The following PTPRO variants were observed in gnomAD, a reference collection of about 807,000 sequenced individuals.
The protein encoded by PTPRO is protein tyrosine phosphatase receptor type O, also known as receptor-type tyrosine-protein phosphatase O.
Under a neutral mutation model 145.2 loss-of-function variants are expected in PTPRO, and 62 were observed. The ratio of observed to expected loss-of-function variants is 0.43; its 90% CI spans 0.35 to 0.53. The LOEUF (loss-of-function observed/expected upper bound fraction) is 0.53. PTPRO is among the 20% of genes least tolerant of loss of function. The probability of loss-of-function intolerance (pLI) is 0.01; values close to 1 mark genes in which losing one functional copy is unlikely to be tolerated. For missense variants in PTPRO, 1,345 were observed against 1,482.7 expected (o/e 0.91, Z 1.53); for synonymous variants, 565 against 514.7 (o/e 1.10, Z -1.32).
At chr12:15,353,197 C>T (rs754884998) in intron 1 of PTPRO, among the ~76,000 whole-genome samples, 4 of 152,150 alleles carry the variant, frequency 2.6e-5, no homozygotes, top group Non-Finnish European at 5.9e-5. Context: ...CACATACACC[C>T]ACCTACCCAC....
intron 10 of PTPRO, 84 bp from the exon 11 acceptor site, chr12:15,524,728 ACT>A: frequency 7.0e-7 from 1 of 1,420,654 alleles, no homozygotes; most frequent in South Asian, 1.2e-5. Context: ...CGCTAAGTTG[ACT>A]CTATATGGGA....
At chr12:15,436,311 A>C (rs915447337) in intron 1 of PTPRO, among the ~76,000 whole-genome samples, 2 of 152,028 alleles carry the variant, frequency 1.3e-5, no homozygotes, top group African/African-American at 4.8e-5. Context: ...ACACAGAAAA[A>C]CCTCCAAAAA....
Position 15,536,278 on chromosome 12 carries a change from G to T in PTPRO, c.2164+10016G>T, listed in dbSNP as rs186122391. 2.0e-5 allele frequency among the ~76,000 whole-genome samples: 3 copies of T among 152,284 alleles called. No individual in the cohort carries two copies. The East Asian group carries it at 5.8e-4, about 29-fold the overall frequency. ...GGAAAAGAGGATAGGAAGTGCTGTGGGGGATGGGTGCAATTTTTGTGAGGA... is the reference window on the plus strand; with the variant it reads ...GGAAAAGAGGATAGGAAGTGCTGTGTGGGATGGGTGCAATTTTTGTGAGGA... On this transcript the variant is annotated intron_variant, in intron 12 of 26. Transcript: ENST00000281171.
At chr12:15,395,155 T>C (rs1939300586) in intron 1 of PTPRO, among the ~76,000 whole-genome samples, 1 of 152,174 alleles carries the variant, frequency 6.6e-6, no homozygotes. Flanking sequence ...CAAATAGTTG[T>C]GGAAAACAGG....
chr12:15,582,380 C>T (rs1206197027), intron 23 of PTPRO, among the ~76,000 whole-genome samples: 4 of 152,236 alleles, frequency 2.6e-5, no homozygotes. Flanking sequence ...GGAGACCAAC[C>T]CAATGAGCAC....
chr12:15,514,022 C>T (rs541190125), intron 7 of PTPRO, among the ~76,000 whole-genome samples: 2 of 152,188 alleles, frequency 1.3e-5, no homozygotes, highest in South Asian at 4.1e-4. Context: ...AAGGTCAAAG[C>T]AGCACCTTAA....
At chr12:15,585,320 CT>C (rs1382382691) in intron 23 of PTPRO, among the ~76,000 whole-genome samples, 1 of 152,150 alleles carries the variant, frequency 6.6e-6, no homozygotes, top group Non-Finnish European at 1.5e-5. Flanking sequence ...GTAAATTATT[CT>C]GCACAATTCT....
At chr12:15,398,433 C>T (rs1432163295) in intron 1 of PTPRO, among the ~76,000 whole-genome samples, 1 of 151,758 alleles carries the variant, frequency 6.6e-6, no homozygotes, top group African/African-American at 2.4e-5. Context: ...CAGACGTGTT[C>T]CAATTCCAGG....
intron 1 of PTPRO, among the ~76,000 whole-genome samples, chr12:15,376,341 C>T (rs1042764530): frequency 3.3e-5 from 5 of 152,062 alleles, no homozygotes; most frequent in African/African-American, 1.2e-4. Context: ...ACCAAGAATT[C>T]TATATTCAGC....
chr12:15,539,634 T>C lies in PTPRO; in HGVS notation c.2165-6935T>C, dbSNP rs150909724. Among the ~76,000 whole-genome samples, 6 of 151,668 alleles carry C rather than the reference T, an allele frequency of 4.0e-5. No homozygotes were observed. In the East Asian group the frequency reaches 1.2e-3, roughly 29 times the overall value. ...AAAATTAGCTGGGTGTAGTCGTAGG[T>C]ACCTGTAATTCCAGCTGCTCAGGAG... On this transcript the variant is annotated intron_variant, in intron 12 of 26. Coordinates refer to ENST00000281171, the MANE Select transcript of PTPRO (RefSeq NM_030667.3).
intron 2 of PTPRO, among the ~76,000 whole-genome samples, chr12:15,495,540 A>G (rs1244419503): frequency 6.6e-6 from 1 of 151,952 alleles, no homozygotes. Context: ...CTCAATTCTA[A>G]AAGTGTGAAT....
At chr12:15,538,529 A>G (rs886540328) in intron 12 of PTPRO, among the ~76,000 whole-genome samples, 1 of 152,146 alleles carries the variant, frequency 6.6e-6, no homozygotes, top group African/African-American at 2.4e-5. Context: ...GGCCCACTTT[A>G]GCACTTCTCT....
At chr12:15,546,298 T>C (rs932919871) in intron 12 of PTPRO, 4 of 1,241,510 alleles carry the variant, frequency 3.2e-6, no homozygotes, top group Middle Eastern at 3.3e-4. Flanking sequence ...AAACTATTAA[T>C]AGATTATGAC....
intron 12 of PTPRO, 128 bp downstream of exon 12, chr12:15,526,390 G>A: frequency 7.8e-7 from 1 of 1,276,222 alleles, no homozygotes; most frequent in Non-Finnish European, 1.1e-6. Context: ...GTAGAAAATA[G>A]ACATTTGTAC....
chr12:15,551,654 G>A lies in PTPRO; in HGVS notation c.2541G>A (p.Lys847=). Residue 847 remains lysine, a synonymous_variant, in exon 15 of 27, where the codon AAG becomes AAA. Transcript: ENST00000281171. ...LLVTLIILRK[K]HLQMARECGA... is the part of the protein sequence containing the mutation. ...TTACCCTCATTATTCTTAGGAAAAAGCATCTGCAGATGGCTAGGTAAGTTA... is the reference window on the plus strand; with the variant it reads ...TTACCCTCATTATTCTTAGGAAAAAACATCTGCAGATGGCTAGGTAAGTTA... The A allele has an allele frequency of 2.5e-6, 4 of 1,613,500 alleles. No homozygotes were observed. The highest frequency in any genetic ancestry group is 2.2e-5 in the East Asian group (1 of 44,826).
chr12:15,550,165 A>G (rs1401703486), intron 14 of PTPRO, among the ~76,000 whole-genome samples: 2 of 152,220 alleles, frequency 1.3e-5, no homozygotes, highest in Non-Finnish European at 2.9e-5. Context: ...AGTCTTACCA[A>G]TGATATAGAC....
rs1387035397 is a variant in PTPRO at position 15,394,767 on chromosome 12, G to A, written c.75+71966G>A. Among the ~76,000 whole-genome samples the A allele has an allele frequency of 4.6e-5, 7 of 152,258 alleles. No homozygotes were observed. The East Asian group carries it at 9.6e-4, about 21-fold the overall frequency. ...CTTCATAATCAGGTAGTCAGTGTAAGGTTCTTCCGTCTATAGAGTATATTT... is the reference window on the plus strand; with the variant it reads ...CTTCATAATCAGGTAGTCAGTGTAAAGTTCTTCCGTCTATAGAGTATATTT... On this transcript the variant is annotated intron_variant, in intron 1 of 26. Transcript: ENST00000281171.
At position 15,433,384 on chromosome 12, in the gene PTPRO, C is replaced by T. The variant is rs555240468; in HGVS notation, c.76-50590C>T. ...TTTTTTAGTAGAGACAGGGTTTCAC[C>T]GTGTTAGCCAGGATGGTCTTGATCT... On this transcript the variant is annotated intron_variant, in intron 1 of 26. Coordinates refer to ENST00000281171, the MANE Select transcript of PTPRO (RefSeq NM_030667.3). Among the ~76,000 whole-genome samples the T allele has an allele frequency of 1.1e-4, 16 of 152,144 alleles. No individual in the cohort carries two copies. In the South Asian group the frequency reaches 1.2e-3, roughly 12 times the overall value.
chr12:15,340,716 C>G (rs543614758), intron 1 of PTPRO, among the ~76,000 whole-genome samples: 1 of 152,020 alleles, frequency 6.6e-6, no homozygotes, highest in Non-Finnish European at 1.5e-5. Context: ...TTATGGTCAA[C>G]GTTAGAAGCA....
Sources: allele counts gnomAD v4.1 joint callset (sites outside exome capture counted in the v4.1 genomes callset), GRCh38; gene constraint gnomAD v4.1.1; transcripts MANE v1.5; gene names NCBI Gene and HGNC (gene_info 2026-07-23, HGNC 2026-07-21).